The following TSHZ1 variants were observed in gnomAD, a reference collection of about 807,000 sequenced individuals.
TSHZ1 encodes the protein teashirt homolog 1.
In TSHZ1, 12 loss-of-function variants were observed where a neutral mutation model predicts 67.1. The ratio of observed to expected loss-of-function variants is 0.18; its 90% CI spans 0.11 to 0.29. The LOEUF is 0.29. TSHZ1 is among the 10% of genes least tolerant of loss of function. The pLI, the probability that TSHZ1 is intolerant of heterozygous loss-of-function variation, is 1.00. For missense variants in TSHZ1, 1,305 were observed against 1,413.9 expected (o/e 0.92, Z 1.23); for synonymous variants, 632 against 622.4 (o/e 1.02, Z -0.23).
intron 1 of TSHZ1, chr18:75,221,087 C>T (rs1413643194): frequency 6.6e-6 from 1 of 152,150 alleles, no homozygotes; most frequent in African/African-American, 2.4e-5. Context: ...CATACTGAAT[C>T]GGATGTGCAC....
chr18:75,248,931 C>A (rs1327844869), intron 1 of TSHZ1, among the ~76,000 whole-genome samples: 1 of 152,192 alleles, frequency 6.6e-6, no homozygotes, highest in Non-Finnish European at 1.5e-5. Context: ...CACCCACCAG[C>A]AGCAGTACCA....
In TSHZ1 at chr18:75,285,515, G is replaced by A. The variant is rs755969773; in HGVS notation, c.108G>A (p.Leu36=). The part of the protein sequence containing the change: ...IDEEHVEDDG[L]SLDIQESEYM... Reference sequence around the variant, plus strand: ...AAGAGCACGTGGAGGATGACGGGCTGTCTTTGGACATTCAGGAAAGTGAGT... The same window carrying A: ...AAGAGCACGTGGAGGATGACGGGCTATCTTTGGACATTCAGGAAAGTGAGT... Residue 36 remains leucine (L), a synonymous_variant, in exon 2 of 2, where the codon CTG becomes CTA. Coordinates refer to ENST00000580243, the MANE Select transcript of TSHZ1 (RefSeq NM_001308210.2). 6.5e-7 allele frequency: 1 copy of A among 1,544,368 alleles called. No individual in the cohort carries two copies. Among genetic ancestry groups the A allele is most frequent in the South Asian group, 1.2e-5 (1 of 80,656 alleles).
intron 1 of TSHZ1, among the ~76,000 whole-genome samples, chr18:75,251,961 T>G (rs2023309682): frequency 6.6e-6 from 1 of 152,182 alleles, no homozygotes; most frequent in Admixed American, 6.5e-5. Flanking sequence ...AAGAAAAAAA[T>G]TTAAAAATTA....
intron 1 of TSHZ1, among the ~76,000 whole-genome samples, chr18:75,246,784 A>G (rs931829437): frequency 5.3e-5 from 8 of 152,236 alleles, no homozygotes; most frequent in South Asian, 4.1e-4. Context: ...AGATGTGGCA[A>G]ATTTTCTCTC....
At chr18:75,244,572 G>A (rs1342170929) in intron 1 of TSHZ1, 1 of 152,276 alleles carries the variant, frequency 6.6e-6, no homozygotes, top group Non-Finnish European at 1.5e-5. Flanking sequence ...CCTTCTGGCA[G>A]GTAGACCAGG....
At chr18:75,225,464 G>A (rs1342654907) in intron 1 of TSHZ1, among the ~76,000 whole-genome samples, 2 of 152,220 alleles carry the variant, frequency 1.3e-5, no homozygotes, top group Non-Finnish European at 2.9e-5. Flanking sequence ...TCTTCTGACT[G>A]TGAGCTGGCC....
chr18:75,279,475 C>T lies in TSHZ1; in HGVS notation c.41-5973C>T, dbSNP rs567372696. ...TGGTGACAACTGTGTGTGGGTGAGCCGCCGGCCCTCCTGTTTGTCAGACAC... is the reference window on the plus strand; with the variant it reads ...TGGTGACAACTGTGTGTGGGTGAGCTGCCGGCCCTCCTGTTTGTCAGACAC... On this transcript the variant is annotated intron_variant, in intron 1 of 1. Transcript: ENST00000580243. Among the ~76,000 whole-genome samples, 16 of 152,236 alleles carry T rather than the reference C, an allele frequency of 1.1e-4. No homozygotes were observed. In the East Asian group the frequency reaches 1.2e-3, roughly 11 times the overall value.
intron 1 of TSHZ1, among the ~76,000 whole-genome samples, chr18:75,264,284 A>C (rs868348431): frequency 1.6e-4 from 24 of 152,362 alleles, no homozygotes; most frequent in African/African-American, 5.5e-4. Flanking sequence ...CGTGGATAGC[A>C]TATATCTGAA....
intron 1 of TSHZ1, among the ~76,000 whole-genome samples, chr18:75,263,165 C>G (rs1374639200): frequency 6.6e-6 from 1 of 152,084 alleles, no homozygotes; most frequent in Non-Finnish European, 1.5e-5. Flanking sequence ...TACTTGTGGT[C>G]ATATCTTTTT....
chr18:75,284,279 C>T (rs1163586805), intron 1 of TSHZ1: 4 of 152,666 alleles, frequency 2.6e-5, no homozygotes, highest in Non-Finnish European at 5.9e-5. Flanking sequence ...ACTTCCATAT[C>T]CTGGAGGCCC....
intron 1 of TSHZ1, among the ~76,000 whole-genome samples, chr18:75,217,653 C>T (rs887717356): frequency 2.0e-5 from 3 of 152,086 alleles, no homozygotes; most frequent in Non-Finnish European, 2.9e-5. Context: ...CTTGCTAGAC[C>T]GCAACTTTAA....
intron 1 of TSHZ1, among the ~76,000 whole-genome samples, chr18:75,235,691 A>G (rs2023058538): frequency 6.6e-6 from 1 of 152,200 alleles, no homozygotes; most frequent in Non-Finnish European, 1.5e-5. Flanking sequence ...GAAATATTTT[A>G]TTATGCATCC....
chr18:75,284,178 G>A (rs1235606308), intron 1 of TSHZ1: 1 of 152,636 alleles, frequency 6.6e-6, no homozygotes, highest in Non-Finnish European at 1.5e-5. Context: ...TTAGGAAGGT[G>A]TGTTGCATAG....
chr18:75,246,185 C>T (rs545083164), intron 1 of TSHZ1, among the ~76,000 whole-genome samples: 5 of 152,190 alleles, frequency 3.3e-5, no homozygotes, highest in Non-Finnish European at 5.9e-5. Context: ...GCATTTCCTA[C>T]GAAAGACCAG....
chr18:75,262,897 G>T (rs1198046291), intron 1 of TSHZ1, among the ~76,000 whole-genome samples: 3 of 152,182 alleles, frequency 2.0e-5, no homozygotes, highest in Non-Finnish European at 4.4e-5. Flanking sequence ...AACATTTTCA[G>T]GTCACAGTGG....
chr18:75,282,759 C>G (rs955423268), intron 1 of TSHZ1: 2 of 152,248 alleles, frequency 1.3e-5, no homozygotes, highest in Admixed American at 1.3e-4. Context: ...GTTGGTCAAG[C>G]CATATCCGCA....
In TSHZ1 at chr18:75,237,378, C is replaced by T. The variant is rs907157303; in HGVS notation, c.40+25462C>T. Among the ~76,000 whole-genome samples, 8 of 151,922 alleles carry T rather than the reference C, an allele frequency of 5.3e-5. No individual in the cohort carries two copies. In the South Asian group the frequency reaches 6.2e-4, roughly 12 times the overall value. ...ATCTACAAAAAATGCAAAAATTAGCCGGATGTGGTGGTGCATGCCTGTAGT... is the reference window on the plus strand; with the variant it reads ...ATCTACAAAAAATGCAAAAATTAGCTGGATGTGGTGGTGCATGCCTGTAGT... On this transcript the variant is annotated intron_variant, in intron 1 of 1. Coordinates refer to ENST00000580243, the MANE Select transcript of TSHZ1 (RefSeq NM_001308210.2).
Position 75,287,799 on chromosome 18 carries a change from A to G in TSHZ1, c.2392A>G (p.Ile798Val), listed in dbSNP as rs779737686. ...PATPVKQADA[I>V]DRYYYENSDQ... ...CACCCCTGTGAAGCAGGCCGATGCC[A>G]TCGACCGCTACTATTATGAAAACAG... is the stretch of plus-strand genomic sequence containing the variant. Residue 798 changes from isoleucine (I) to valine (V), a missense_variant, in exon 2 of 2, where the codon ATC becomes GTC. Physicochemically the swap from Ile to Val is conservative, Grantham distance 29. Transcript: ENST00000580243. The surrounding 1 kb of genome is among the most constrained non-coding windows in gnomAD (Gnocchi z 5.0). The G allele has an allele frequency of 2.5e-6, 4 of 1,614,134 alleles. No homozygotes were observed. Among genetic ancestry groups the G allele is most frequent in the Non-Finnish European group, 3.4e-6 (4 of 1,180,034 alleles).
intron 1 of TSHZ1, among the ~76,000 whole-genome samples, chr18:75,213,058 T>A (rs2122507055): frequency 6.6e-6 from 1 of 152,330 alleles, no homozygotes; most frequent in Non-Finnish European, 1.5e-5. Flanking sequence ...CAGAATAGAA[T>A]CTGAATAAGT....
Sources: gnomAD v4.1 joint callset for allele counts (sites outside exome capture counted in the v4.1 genomes callset) on GRCh38, gnomAD v4.1.1 for gene constraint, Gnocchi (gnomAD v3.1) non-coding constraint, MANE v1.5 for transcripts, NCBI Gene and HGNC (gene_info 2026-07-23, HGNC 2026-07-21) for gene names.